The following PLEKHM3 variants were observed in gnomAD, a reference collection of about 807,000 sequenced individuals.
The protein encoded by PLEKHM3 is pleckstrin homology domain-containing family M member 3.
Under a neutral mutation model 81.8 loss-of-function variants are expected in PLEKHM3, and 45 were observed. That is an observed-to-expected ratio of 0.55 (90% CI 0.43 to 0.71). The LOEUF is 0.71. Ranked by LOEUF, PLEKHM3 falls within the 30% of genes least tolerant of loss-of-function variation. PLEKHM3 has a pLI of 0.00. For missense variants in PLEKHM3, 788 were observed against 924.3 expected (o/e 0.85, Z 1.91); for synonymous variants, 352 against 356.4 (o/e 0.99, Z 0.14).
At position 207,929,808 on chromosome 2, in the gene PLEKHM3, G is replaced by A. The variant is rs973106187; in HGVS notation, c.1886+1118C>T. 2.9e-5 allele frequency: 17 copies of A among 591,938 alleles called. 1 individual carries two copies. Among genetic ancestry groups the A allele is most frequent in the Admixed American group, 1.7e-4 (6 of 35,238 alleles). The allele number at this position is 591,938 out of a possible 1,614,324, so 36.7% of individuals were successfully genotyped here. ...ACATTTAGTTCTTTTTTAGATGCCCGGGGTTATGTCAGTTTCTTTGGATCT... is the reference window on the plus strand; with the variant it reads ...ACATTTAGTTCTTTTTTAGATGCCCAGGGTTATGTCAGTTTCTTTGGATCT... On this transcript the variant is annotated intron_variant, in intron 5 of 7. Transcript: ENST00000427836.
intron 5 of PLEKHM3, among the ~76,000 whole-genome samples, chr2:207,926,959 T>C (rs1312180833): frequency 6.6e-6 from 1 of 152,234 alleles, no homozygotes; most frequent in African/African-American, 2.4e-5. Context: ...ATTAACAGTT[T>C]GCTTTATTCT....
In PLEKHM3 at chr2:207,925,949, G is replaced by A. The variant is rs182864939; in HGVS notation, c.1886+4977C>T. On this transcript the variant is annotated intron_variant, in intron 5 of 7. Transcript: ENST00000427836. ...ATCCTTTGAGATGAACTTCCTGACC[G>A]AGTTACGGATCTAGTATCTGAGACA... 1.2e-4 allele frequency among the ~76,000 whole-genome samples: 18 copies of A among 151,862 alleles called. No homozygotes were observed. In the Middle Eastern group the frequency reaches 0.017, roughly 143 times the overall value.
chr2:207,975,719 C>T (rs1691285368), intron 3 of PLEKHM3, among the ~76,000 whole-genome samples: 1 of 150,724 alleles, frequency 6.6e-6, no homozygotes, highest in Admixed American at 6.6e-5. Context: ...GCCTCAGCCT[C>T]CTGAGTAGCT....
chr2:207,979,957 CT>C (rs1444023312), intron 2 of PLEKHM3, among the ~76,000 whole-genome samples: 1 of 152,178 alleles, frequency 6.6e-6, no homozygotes, highest in East Asian at 1.9e-4. Flanking sequence ...TAATGGATGC[CT>C]ATTTGCAGGT....
intron 5 of PLEKHM3, among the ~76,000 whole-genome samples, chr2:207,913,970 T>C (rs537306461): frequency 3.3e-5 from 5 of 152,060 alleles, no homozygotes; most frequent in Non-Finnish European, 4.4e-5. Flanking sequence ...CGCGTGTGCG[T>C]GCGCACACGC....
intron 3 of PLEKHM3, among the ~76,000 whole-genome samples, chr2:207,971,638 T>C (rs1275144744): frequency 6.6e-6 from 1 of 152,102 alleles, no homozygotes; most frequent in Non-Finnish European, 1.5e-5. Context: ...TAGAATCACA[T>C]ACAGGTACAC....
chr2:207,834,041 T>C (rs1310601593), intron 7 of PLEKHM3, among the ~76,000 whole-genome samples: 1 of 152,220 alleles, frequency 6.6e-6, no homozygotes, highest in Non-Finnish European at 1.5e-5. Flanking sequence ...ATGGAAATCA[T>C]TTAGAATATC....
chr2:207,923,878 CACAT>C (rs1236243229), intron 5 of PLEKHM3, among the ~76,000 whole-genome samples: 53 of 38,952 alleles, frequency 1.4e-3, no homozygotes, highest in Non-Finnish European at 2.1e-3. Flanking sequence ...CACACACACA[CACAT>C]ATATATATAT....
chr2:207,840,465 T>G (rs2092343943), intron 7 of PLEKHM3, among the ~76,000 whole-genome samples: 1 of 152,188 alleles, frequency 6.6e-6, no homozygotes, highest in Non-Finnish European at 1.5e-5. Context: ...CCATGTGTTG[T>G]GATAACAGGT....
intron 7 of PLEKHM3, among the ~76,000 whole-genome samples, chr2:207,858,631 C>T (rs1253401676): frequency 2.0e-5 from 3 of 152,078 alleles, no homozygotes; most frequent in Non-Finnish European, 4.4e-5. Context: ...CAGGAATTTG[C>T]CACCACGTCC....
chr2:207,997,450 T>C lies in PLEKHM3; in HGVS notation c.610+3580A>G, dbSNP rs182451432. ...GCACTTCCAATAAGGCTTTAAGCTATTCAAGGTGAGTTCAGAAAAAGAGCC... is the reference window on the plus strand; with the variant it reads ...GCACTTCCAATAAGGCTTTAAGCTACTCAAGGTGAGTTCAGAAAAAGAGCC... On this transcript the variant is annotated intron_variant, in intron 2 of 7. Transcript: ENST00000427836. Among the ~76,000 whole-genome samples, 6 of 152,268 alleles carry C rather than the reference T, an allele frequency of 3.9e-5. No homozygotes were observed. In the East Asian group the frequency reaches 1.2e-3, roughly 29 times the overall value.
chr2:207,841,704 C>T (rs1436063045), intron 7 of PLEKHM3, among the ~76,000 whole-genome samples: 3 of 151,476 alleles, frequency 2.0e-5, no homozygotes, highest in African/African-American at 7.3e-5. Flanking sequence ...ATTTGCTATG[C>T]CACCTTTACC....
chr2:207,929,664 C>A (rs1018583998), intron 5 of PLEKHM3, among the ~76,000 whole-genome samples: 1 of 152,130 alleles, frequency 6.6e-6, no homozygotes, highest in African/African-American at 2.4e-5. Flanking sequence ...TCTGTGCTTT[C>A]TGAAAAACAA....
chr2:207,911,239 A>G (rs1198663960), intron 5 of PLEKHM3, among the ~76,000 whole-genome samples: 1 of 152,206 alleles, frequency 6.6e-6, no homozygotes, highest in African/African-American at 2.4e-5. Flanking sequence ...TTTACCTACA[A>G]TCTAGAACTA....
chr2:207,967,671 C>A (rs1690965168), intron 3 of PLEKHM3, among the ~76,000 whole-genome samples: 1 of 152,208 alleles, frequency 6.6e-6, no homozygotes, highest in Non-Finnish European at 1.5e-5. Context: ...AAAGTAAGGG[C>A]AAGAACCGCA....
intron 6 of PLEKHM3, among the ~76,000 whole-genome samples, chr2:207,867,150 T>A (rs1244675633): frequency 6.6e-6 from 1 of 152,206 alleles, no homozygotes; most frequent in Non-Finnish European, 1.5e-5. Context: ...AGCAGTCATA[T>A]CTTAGGTTGT....
intron 2 of PLEKHM3, among the ~76,000 whole-genome samples, chr2:207,989,440 A>G (rs911151098): frequency 6.6e-6 from 1 of 152,204 alleles, no homozygotes; most frequent in African/African-American, 2.4e-5. Context: ...GGTAAAGAGC[A>G]TTCCAGATGG....
chr2:207,839,506 A>G (rs1475222664), intron 7 of PLEKHM3, among the ~76,000 whole-genome samples: 1 of 152,202 alleles, frequency 6.6e-6, no homozygotes, highest in Non-Finnish European at 1.5e-5. Context: ...TTGTCTCTCT[A>G]AGACAATGCT....
intron 7 of PLEKHM3, 107 bp downstream of exon 7, chr2:207,860,998 G>A (rs2092464316): frequency 1.6e-6 from 2 of 1,289,098 alleles, no homozygotes; most frequent in Non-Finnish European, 2.1e-6. Context: ...CTGATCCAGG[G>A]TAAGAGACAG....
Sources: allele counts gnomAD v4.1 joint callset (sites outside exome capture counted in the v4.1 genomes callset), GRCh38; gene constraint gnomAD v4.1.1; transcripts MANE v1.5; gene names NCBI Gene and HGNC (gene_info 2026-07-23, HGNC 2026-07-21).